The following STAT4 variants were observed in gnomAD, a reference collection of about 807,000 sequenced individuals.
STAT4 encodes the protein signal transducer and activator of transcription 4.
In STAT4, 42 loss-of-function variants were observed where a neutral mutation model predicts 110.5. That is an observed-to-expected ratio of 0.38 (90% CI 0.30 to 0.49). STAT4 has a LOEUF of 0.49. STAT4 is among the 20% of genes least tolerant of loss of function. The pLI is 0.95. For synonymous variants in STAT4, 284 were observed against 302.2 expected (o/e 0.94, Z 0.63); for missense variants, 632 against 887.9 (o/e 0.71, Z 3.66).
intron 5 of STAT4, among the ~76,000 whole-genome samples, 182 bp downstream of exon 5, chr2:191,072,916 A>G (rs367895619): frequency 2.6e-5 from 4 of 152,252 alleles, no homozygotes; most frequent in African/African-American, 7.2e-5. Flanking sequence ...TTCAAGGTGA[A>G]GTTAAAATGT....
intron 4 of STAT4, among the ~76,000 whole-genome samples, chr2:191,074,320 C>G (rs1404585985): frequency 6.6e-6 from 1 of 152,190 alleles, no homozygotes; most frequent in Non-Finnish European, 1.5e-5. Flanking sequence ...GCAGTAACCT[C>G]AAGTAGAGCC....
chr2:191,087,755 C>T (rs749080046), intron 3 of STAT4, among the ~76,000 whole-genome samples: 1 of 152,012 alleles, frequency 6.6e-6, no homozygotes, highest in Admixed American at 6.6e-5. Flanking sequence ...AAAAAACAAA[C>T]CCACTAAATT....
At chr2:191,123,905 C>A (rs1262691171) in intron 3 of STAT4, among the ~76,000 whole-genome samples, 19 of 152,132 alleles carry the variant, frequency 1.2e-4, no homozygotes, top group Non-Finnish European at 1.5e-5. Flanking sequence ...TGCTTTTGTA[C>A]CATCATAAAG....
rs543751500 is a variant in STAT4 at position 191,060,087 on chromosome 2, G to A, written c.1035-1318C>T. ...GAATAGGGTGCAGAGGAGGAGGATG[G>A]GTACCCAATAGGTAGAAGAGGAAGA... On this transcript the variant is annotated intron_variant, in intron 10 of 23. Coordinates refer to ENST00000392320, the MANE Select transcript of STAT4 (RefSeq NM_003151.4). The surrounding 1 kb of genome is among the most constrained non-coding windows in gnomAD (Gnocchi z 4.5). 1.7e-4 allele frequency among the ~76,000 whole-genome samples: 26 copies of A among 152,136 alleles called. No homozygotes were observed. The highest frequency in any genetic ancestry group is 3.1e-4 in the Non-Finnish European group (21 of 68,016).
Position 191,140,660 on chromosome 2 carries a change from AACC to A in STAT4, c.273+5950_273+5952del. Reference sequence around the variant, plus strand: ...TGCTGATGGGAATGTAAACTAGTACAACCACCATGGAAAACAGTATGGAGATTC... The same window carrying A: ...TGCTGATGGGAATGTAAACTAGTACAACCATGGAAAACAGTATGGAGATTC... On this transcript the variant is annotated intron_variant, in intron 3 of 23. Transcript: ENST00000392320. This position sits in a 1 kb window ranked among gnomAD's most constrained non-coding sequence, Gnocchi z 4.4. Among the ~76,000 whole-genome samples the A allele has an allele frequency of 6.6e-6, 1 of 152,372 alleles. No homozygotes were observed. Among genetic ancestry groups the A allele is most frequent in the Non-Finnish European group, 1.5e-5 (1 of 68,030 alleles).
At chr2:191,095,931 G>C (rs974505894) in intron 3 of STAT4, among the ~76,000 whole-genome samples, 3 of 152,134 alleles carry the variant, frequency 2.0e-5, no homozygotes, top group Non-Finnish European at 4.4e-5. Context: ...AAATGATAAA[G>C]GGGATATCAC....
intron 14 of STAT4, among the ~76,000 whole-genome samples, chr2:191,048,940 A>G (rs1244499022): frequency 6.6e-6 from 1 of 151,946 alleles, no homozygotes; most frequent in Non-Finnish European, 1.5e-5. Context: ...CACTGAATAT[A>G]ATAGCTGGAT....
At chr2:191,079,897 T>C (rs186932919) in intron 3 of STAT4, among the ~76,000 whole-genome samples, 2 of 152,178 alleles carry the variant, frequency 1.3e-5, no homozygotes, top group Admixed American at 6.6e-5. Context: ...GCAACAAATA[T>C]GTATTTTGCA....
intron 3 of STAT4, among the ~76,000 whole-genome samples, chr2:191,133,548 A>G (rs1414271173): frequency 6.6e-6 from 1 of 151,710 alleles, no homozygotes; most frequent in East Asian, 1.9e-4. Flanking sequence ...GATGTCTGGA[A>G]TGACACCTAT....
At chr2:191,075,413 A>C (rs982218910) in intron 4 of STAT4, among the ~76,000 whole-genome samples, 8 of 152,178 alleles carry the variant, frequency 5.3e-5, no homozygotes, top group African/African-American at 1.7e-4. Context: ...ACACTCACAC[A>C]ATCAACAAGC....
intron 4 of STAT4, chr2:191,075,980 G>C (rs1032644316): frequency 2.0e-5 from 8 of 400,286 alleles, no homozygotes; most frequent in African/African-American, 1.6e-4. Context: ...CCTCCACAGA[G>C]CTAGGACTAT....
chr2:191,117,590 G>A lies in STAT4; in HGVS notation c.273+29023C>T, dbSNP rs1465623584. ...TGCAGAGGAGAGAAAACTCGATGTG[G>A]ATTTTAATGACACATAGAGAAGGAC... On this transcript the variant is annotated intron_variant, in intron 3 of 23. Transcript: ENST00000392320. The surrounding 1 kb of genome is among the most constrained non-coding windows in gnomAD (Gnocchi z 5.2). Among the ~76,000 whole-genome samples, 1 of 152,174 alleles carries A rather than the reference G, an allele frequency of 6.6e-6. No homozygotes were observed. Among genetic ancestry groups the A allele is most frequent in the East Asian group, 1.9e-4 (1 of 5,188 alleles).
At chr2:191,087,611 C>T (rs146570986) in intron 3 of STAT4, among the ~76,000 whole-genome samples, 36 of 152,198 alleles carry the variant, frequency 2.4e-4, no homozygotes, top group Admixed American at 2.3e-3. Flanking sequence ...ATTTACATAA[C>T]AAGGCCACCT....
intron 3 of STAT4, among the ~76,000 whole-genome samples, chr2:191,136,788 T>C (rs1699190589): frequency 6.6e-6 from 1 of 152,112 alleles, no homozygotes; most frequent in South Asian, 2.1e-4. Flanking sequence ...TTGCTGATGA[T>C]ATGATTTTAT....
chr2:191,037,851 A>G lies in STAT4; in HGVS notation c.1434+1348T>C, dbSNP rs1696084247. ...TGACCAGAAAGCACAGAATACAATC[A>G]AGGCCTAAGGGCTTAGGTTTCAAAG... On this transcript the variant is annotated intron_variant, in intron 16 of 23. Coordinates refer to ENST00000392320, the MANE Select transcript of STAT4 (RefSeq NM_003151.4). The surrounding 1 kb of genome is among the most constrained non-coding windows in gnomAD (Gnocchi z 4.8). Among the ~76,000 whole-genome samples, 1 of 152,232 alleles carries G rather than the reference A, an allele frequency of 6.6e-6. No individual in the cohort carries two copies. The highest frequency in any genetic ancestry group is 2.4e-5 in the African/African-American group (1 of 41,458).
intron 3 of STAT4, among the ~76,000 whole-genome samples, chr2:191,121,331 A>G (rs1374045567): frequency 6.6e-6 from 1 of 152,214 alleles, no homozygotes; most frequent in Non-Finnish European, 1.5e-5. Context: ...GTGGGAGTGT[A>G]AACTAGTTCA....
At position 191,107,618 on chromosome 2, in the gene STAT4, G is replaced by A. The variant is rs1698316368; in HGVS notation, c.274-31293C>T. ...AGACCCATGTACAGTTAAACATTAT[G>A]CTATTACCCTTAAATTCTGTGTCCA... is the stretch of plus-strand genomic sequence containing the variant. On this transcript the variant is annotated intron_variant, in intron 3 of 23. Transcript: ENST00000392320. The surrounding 1 kb of genome is among the most constrained non-coding windows in gnomAD (Gnocchi z 4.2). Among the ~76,000 whole-genome samples the A allele has an allele frequency of 6.6e-6, 1 of 152,208 alleles. No individual in the cohort carries two copies. Among genetic ancestry groups the A allele is most frequent in the Non-Finnish European group, 1.5e-5 (1 of 68,038 alleles).
rs1697335969 is a variant in STAT4 at position 191,077,063 on chromosome 2, A to C, written c.274-738T>G. 6.6e-6 allele frequency among the ~76,000 whole-genome samples: 1 copy of C among 152,202 alleles called. No individual in the cohort carries two copies. The highest frequency in any genetic ancestry group is 6.5e-5 in the Admixed American group (1 of 15,282). On this transcript the variant is annotated intron_variant, in intron 3 of 23. Coordinates refer to ENST00000392320, the MANE Select transcript of STAT4 (RefSeq NM_003151.4). The surrounding 1 kb of genome is among the most constrained non-coding windows in gnomAD (Gnocchi z 4.1). ...TTTGTGTCAACTAGCTCATAGCTGCATTAGTATACTAGAGTGAAACTATAT... is the reference window on the plus strand; with the variant it reads ...TTTGTGTCAACTAGCTCATAGCTGCCTTAGTATACTAGAGTGAAACTATAT...
In STAT4 at chr2:191,058,317, A is replaced by G; in HGVS notation, c.1095-98T>C. On this transcript the variant is annotated intron_variant, in intron 11 of 23. Coordinates refer to ENST00000392320, the MANE Select transcript of STAT4 (RefSeq NM_003151.4). The surrounding 1 kb of genome is among the most constrained non-coding windows in gnomAD (Gnocchi z 4.3). The stretch of plus-strand genomic sequence containing the variant: ...TTTATTTATTTATTTATTTATTTTG[A>G]GACAGAGTCTCGCTCTGTCGTCCAG... 7.9e-7 allele frequency: 1 copy of G among 1,270,878 alleles called. No homozygotes were observed. Among genetic ancestry groups the G allele is most frequent in the Non-Finnish European group, 1.1e-6 (1 of 917,350 alleles). The allele number at this position is 1,270,878 out of a possible 1,614,324, so 78.7% of individuals were successfully genotyped here.
Sources: allele counts gnomAD v4.1 joint callset (sites outside exome capture counted in the v4.1 genomes callset), GRCh38; gene constraint gnomAD v4.1.1; non-coding constraint Gnocchi (gnomAD v3.1); transcripts MANE v1.5; gene names NCBI Gene and HGNC (gene_info 2026-07-23, HGNC 2026-07-21).